RB1CC1: variants seen among roughly 807,000 people sequenced by gnomAD.
RB1CC1 encodes the protein RB1 inducible coiled-coil 1.
Under a neutral mutation model 177.5 loss-of-function variants are expected in RB1CC1, and 46 were observed. The observed-to-expected ratio is 0.26, with a 90% confidence interval of 0.20 to 0.33. The LOEUF (loss-of-function observed/expected upper bound fraction) is 0.33, where lower values mean the gene tolerates loss of function less well. RB1CC1 is among the 10% of genes least tolerant of loss of function. The pLI is 1.00. For synonymous variants in RB1CC1, 666 were observed against 613.6 expected, an observed-to-expected ratio of 1.09 and a Z score of -1.26; for missense variants, 1,703 against 1,816.3, an observed-to-expected ratio of 0.94 and a Z score of 1.13.
At position 52,703,737 on chromosome 8, in the gene RB1CC1, C is replaced by G. The variant is rs932838757; in HGVS notation, c.-167+10338G>C. Among the ~76,000 whole-genome samples, 33 of 152,166 alleles carry G rather than the reference C, an allele frequency of 2.2e-4. 1 individual carries two copies. Among genetic ancestry groups the G allele is most frequent in the Admixed American group, 8.5e-4 (13 of 15,268 alleles). On this transcript the variant is annotated intron_variant, in intron 1 of 23. Transcript: ENST00000025008. ...CACTTTTTTGCCACTTGCCAAATAA[C>G]TTACATCGCCCAAGCTGTATTGCAA...
At position 52,657,258 on chromosome 8, in the gene RB1CC1, T is replaced by G. The variant is rs1851164314; in HGVS notation, c.2571A>C (p.Ile857=). Residue 857 remains isoleucine, a synonymous_variant, in exon 15 of 24, where the codon ATA becomes ATC. Transcript: ENST00000025008. ...CTTTTTGATGTTTTTCTTTTAGTGT[T>G]ATTTCCAGAGAACATTTTACTTTTT... ...IIEKVKCSLE[I]TLKEKHQKEL... 1 of 1,599,280 alleles carries G rather than the reference T, an allele frequency of 6.3e-7. No individual in the cohort carries two copies. Among genetic ancestry groups the G allele is most frequent in the Admixed American group, 1.7e-5 (1 of 59,488 alleles).
At chr8:52,712,334 TTTAAG>T (rs1391569035) in intron 1 of RB1CC1, among the ~76,000 whole-genome samples, 2 of 152,138 alleles carry the variant, frequency 1.3e-5, no homozygotes, top group African/African-American at 2.4e-5. Flanking sequence ...GATATAAAAT[TTTAAG>T]TTAATATTAG....
At position 52,656,832 on chromosome 8, in the gene RB1CC1, G is replaced by T. The variant is rs1187940962; in HGVS notation, c.2997C>A (p.His999Gln). Residue 999 changes from histidine (H) to glutamine (Q), a missense_variant, in exon 15 of 24, where the codon CAC becomes CAA. His to Gln is a conservative substitution (Grantham distance 24). Transcript: ENST00000025008. ...TCATAACCTTCTCAAACTCTTGTAT[G>T]TGCCTAACCTGAAGTGTGTCCTCTA... ...KELEDTLQVR[H>Q]IQEFEKVMTD... 3 of 1,613,678 alleles carry T rather than the reference G, an allele frequency of 1.9e-6. No individual in the cohort carries two copies. The highest frequency in any genetic ancestry group is 2.5e-6 in the Non-Finnish European group (3 of 1,179,950).
intron 1 of RB1CC1, among the ~76,000 whole-genome samples, chr8:52,688,730 C>T (rs367986536): frequency 2.6e-5 from 4 of 152,164 alleles, no homozygotes; most frequent in African/African-American, 7.2e-5. Context: ...TGTTCTTACA[C>T]CCCCTCCCCT....
intron 15 of RB1CC1, among the ~76,000 whole-genome samples, chr8:52,654,584 C>T (rs1331077928): frequency 6.6e-6 from 1 of 152,154 alleles, no homozygotes; most frequent in African/African-American, 2.4e-5. Flanking sequence ...GTGCTTCAGC[C>T]TCTGTTTTCC....
At chr8:52,668,224 T>A in intron 7 of RB1CC1, 33 bp from the exon 8 acceptor site, 1 of 1,600,876 alleles carries the variant, frequency 6.2e-7, no homozygotes, top group Non-Finnish European at 8.5e-7. Flanking sequence ...CGAATACAAT[T>A]TTCAGCAAAT....
intron 1 of RB1CC1, among the ~76,000 whole-genome samples, chr8:52,709,660 C>T (rs1386536656): frequency 6.6e-6 from 1 of 152,204 alleles, no homozygotes; most frequent in Non-Finnish European, 1.5e-5. Context: ...ATCATCTGAG[C>T]CCACGAGGCA....
rs775051627 is a variant in RB1CC1, at chr8:52,684,302, A to AAATG, written c.72-290_72-289insCATT. On this transcript the variant is annotated intron_variant, in intron 3 of 23. Transcript: ENST00000025008. ...AAAATCTCCACACGTTTTAGAAACT[A>AAATG]CATTAAGTCTAACACATGTGAAGAT... 2.6e-5 allele frequency among the ~76,000 whole-genome samples: 4 copies of AAATG among 152,336 alleles called. No individual in the cohort carries two copies. In the South Asian group the frequency reaches 8.3e-4, roughly 32 times the overall value.
At chr8:52,630,354 GC>G in intron 21 of RB1CC1, 115 bp downstream of exon 21, 1 of 1,282,902 alleles carries the variant, frequency 7.8e-7, no homozygotes, top group Admixed American at 3.6e-5. Flanking sequence ...ACTACTGAGT[GC>G]AAAACACTCA....
intron 15 of RB1CC1, among the ~76,000 whole-genome samples, chr8:52,646,758 A>G (rs988015138): frequency 3.3e-5 from 5 of 152,194 alleles, no homozygotes; most frequent in African/African-American, 1.2e-4. Context: ...ATGAACAAAC[A>G]CTGGTTAATG....
intron 1 of RB1CC1, among the ~76,000 whole-genome samples, chr8:52,691,446 T>C (rs1003375333): frequency 6.6e-6 from 1 of 152,198 alleles, no homozygotes; most frequent in Non-Finnish European, 1.5e-5. Flanking sequence ...AATGAGTTTG[T>C]CTACATACTT....
intron 22 of RB1CC1, among the ~76,000 whole-genome samples, 195 bp downstream of exon 22, chr8:52,627,837 A>G (rs1342514266): frequency 1.3e-5 from 2 of 152,190 alleles, no homozygotes; most frequent in Admixed American, 1.3e-4. Flanking sequence ...TGTATAAGCT[A>G]CACTCCTTAA....
chr8:52,662,250 T>C (rs1851697956), intron 8 of RB1CC1, among the ~76,000 whole-genome samples: 1 of 152,142 alleles, frequency 6.6e-6, no homozygotes, highest in African/African-American at 2.4e-5. Flanking sequence ...GGACAATGAC[T>C]GAATTGTGTG....
intron 20 of RB1CC1, among the ~76,000 whole-genome samples, chr8:52,631,447 C>G (rs1235099166): frequency 6.6e-6 from 1 of 152,116 alleles, no homozygotes; most frequent in Non-Finnish European, 1.5e-5. Context: ...TGGTGACCAT[C>G]AAACAGGCCA....
chr8:52,679,664 C>T (rs1591064859), intron 5 of RB1CC1, among the ~76,000 whole-genome samples: 1 of 152,202 alleles, frequency 6.6e-6, no homozygotes, highest in African/African-American at 2.4e-5. Context: ...TGTCCTTAAC[C>T]TTGACAAAAT....
At chr8:52,653,273 T>C (rs761562455) in intron 15 of RB1CC1, among the ~76,000 whole-genome samples, 2 of 152,086 alleles carry the variant, frequency 1.3e-5, no homozygotes, top group Non-Finnish European at 2.9e-5. Context: ...ATGAGAACAC[T>C]GAAATTCAAT....
intron 7 of RB1CC1, among the ~76,000 whole-genome samples, chr8:52,672,437 A>G (rs557850949): frequency 6.6e-6 from 1 of 152,308 alleles, no homozygotes; most frequent in South Asian, 2.1e-4. Context: ...CATCTGGCAC[A>G]GCTTAATTAC....
chr8:52,654,945 T>C (rs1421453333), intron 15 of RB1CC1, among the ~76,000 whole-genome samples: 1 of 152,190 alleles, frequency 6.6e-6, no homozygotes. Context: ...GAATTGAGCC[T>C]AGTTCTATAA....
chr8:52,670,755 G>C (rs962353594), intron 7 of RB1CC1, among the ~76,000 whole-genome samples: 1 of 152,182 alleles, frequency 6.6e-6, no homozygotes, highest in Non-Finnish European at 1.5e-5. Flanking sequence ...GGGAGGCAGA[G>C]CCAGGCAAAT....
Sources: allele counts gnomAD v4.1 joint callset (sites outside exome capture counted in the v4.1 genomes callset), GRCh38; gene constraint gnomAD v4.1.1; transcripts MANE v1.5; gene names NCBI Gene and HGNC (gene_info 2026-07-23, HGNC 2026-07-21).